The following MAP4K5 variants were observed in gnomAD, a reference collection of about 807,000 sequenced individuals.
MAP4K5 encodes the protein mitogen-activated protein kinase kinase kinase kinase 5.
In MAP4K5, 82 loss-of-function variants were observed where a neutral mutation model predicts 135.6. The observed-to-expected ratio is 0.60, with a 90% confidence interval of 0.51 to 0.73. The LOEUF (loss-of-function observed/expected upper bound fraction) is 0.73. Among genes scored for constraint, MAP4K5 ranks in the 30% least tolerant of loss-of-function variants. The pLI is 0.00. For missense variants in MAP4K5, 907 were observed against 1,010.9 expected (o/e 0.90, Z 1.39); for synonymous variants, 347 against 335.0 (o/e 1.04, Z -0.39).
rs565317833 is a variant in MAP4K5, at chr14:50,500,484, C to T, written c.166+4316G>A. ...AGAGGCATAGTAGAGTAGGCAGAAA[C>T]ATATGCGATGAGCTCAGAGAGGTGG... On this transcript the variant is annotated intron_variant, in intron 3 of 32. Transcript: ENST00000682126. 1.2e-4 allele frequency among the ~76,000 whole-genome samples: 19 copies of T among 152,262 alleles called. No individual in the cohort carries two copies. In the South Asian group the frequency reaches 3.9e-3, roughly 32 times the overall value.
At chr14:50,511,882 T>C (rs1187835102) in intron 2 of MAP4K5, among the ~76,000 whole-genome samples, 1 of 151,832 alleles carries the variant, frequency 6.6e-6, no homozygotes, top group Non-Finnish European at 1.5e-5. Flanking sequence ...TTGTCTGGGG[T>C]TTAGGGGAGG....
intron 9 of MAP4K5, among the ~76,000 whole-genome samples, chr14:50,469,707 C>G (rs1265040740): frequency 1.3e-5 from 2 of 152,154 alleles, no homozygotes; most frequent in Non-Finnish European, 2.9e-5. Context: ...TATTAAACAA[C>G]TGTTGAATAT....
intron 2 of MAP4K5, among the ~76,000 whole-genome samples, chr14:50,505,321 T>A (rs1003039603): frequency 6.6e-6 from 1 of 152,152 alleles, no homozygotes; most frequent in African/African-American, 2.4e-5. Flanking sequence ...TGGAAGAAGA[T>A]GACCCCATCA....
chr14:50,425,085 TTAAG>T (rs2035817041), intron 31 of MAP4K5, among the ~76,000 whole-genome samples: 1 of 152,196 alleles, frequency 6.6e-6, no homozygotes, highest in Admixed American at 6.5e-5. Context: ...TTTTTGAGCT[TTAAG>T]TAAGTTCACA....
chr14:50,555,272 GTTTTGT>G (rs1198688157), intron 1 of MAP4K5, among the ~76,000 whole-genome samples: 7 of 20,666 alleles, frequency 3.4e-4, no homozygotes, highest in East Asian at 2.3e-3. Context: ...TTTTTGTTTT[GTTTTGT>G]TTTGTTTGTT....
intron 13 of MAP4K5, among the ~76,000 whole-genome samples, chr14:50,462,019 T>C (rs1374809306): frequency 2.0e-5 from 3 of 152,074 alleles, no homozygotes; most frequent in Admixed American, 2.0e-4. Flanking sequence ...TAAGAAATAA[T>C]AGTTTTGAAA....
chr14:50,437,451 A>G (rs930633751), intron 26 of MAP4K5, 25 bp downstream of exon 26: 7 of 1,543,892 alleles, frequency 4.5e-6, no homozygotes, highest in South Asian at 3.5e-5. Context: ...CTAACCATTC[A>G]GTTTGAGAAA....
In MAP4K5 at chr14:50,526,456, C is replaced by T. The variant is rs148854053; in HGVS notation, c.108+5486G>A. On this transcript the variant is annotated intron_variant, in intron 2 of 32. Coordinates refer to ENST00000682126, the MANE Select transcript of MAP4K5 (RefSeq NM_006575.6). ...GATTATAGGCACCTGCCACCATGCC[C>T]GGCTAATTTTTGTATTTTTAATAGA... Among the ~76,000 whole-genome samples, 52 of 152,228 alleles carry T rather than the reference C, an allele frequency of 3.4e-4. No homozygotes were observed. In the East Asian group the frequency reaches 8.1e-3, roughly 24 times the overall value.
At chr14:50,422,914 C>A (rs964212677) in intron 32 of MAP4K5, among the ~76,000 whole-genome samples, 2 of 152,102 alleles carry the variant, frequency 1.3e-5, no homozygotes, top group Non-Finnish European at 2.9e-5. Context: ...ATAACTGTCT[C>A]TAGAATAACA....
At chr14:50,516,313 G>A (rs916810573) in intron 2 of MAP4K5, among the ~76,000 whole-genome samples, 9 of 152,172 alleles carry the variant, frequency 5.9e-5, no homozygotes, top group South Asian at 4.1e-4. Flanking sequence ...ATTCTGTGGC[G>A]GGGAGAGGGA....
Position 50,555,530 on chromosome 14 carries a change from C to T in MAP4K5, c.-180+5510G>A, listed in dbSNP as rs1467632450. On this transcript the variant is annotated intron_variant, in intron 1 of 8. Coordinates refer to the MAP4K5 transcript ENST00000555216. Reference sequence around the variant, plus strand: ...AACTCCTGAGCTCAGGCAATCTGCCCGCCTTGGCCTCTCAAAGTGCTGGGA... The same window carrying T: ...AACTCCTGAGCTCAGGCAATCTGCCTGCCTTGGCCTCTCAAAGTGCTGGGA... Among the ~76,000 whole-genome samples, 6 of 152,138 alleles carry T rather than the reference C, an allele frequency of 3.9e-5. No individual in the cohort carries two copies. In the East Asian group the frequency reaches 7.7e-4, roughly 20 times the overall value.
At chr14:50,510,514 G>A (rs950062918) in intron 2 of MAP4K5, among the ~76,000 whole-genome samples, 6 of 152,090 alleles carry the variant, frequency 3.9e-5, no homozygotes, top group South Asian at 2.1e-4. Flanking sequence ...CTACAAATTT[G>A]TTGAATAGAC....
At chr14:50,487,141 T>C (rs1341246268) in intron 3 of MAP4K5, among the ~76,000 whole-genome samples, 1 of 152,178 alleles carries the variant, frequency 6.6e-6, no homozygotes, top group Non-Finnish European at 1.5e-5. Flanking sequence ...TAAACATCTA[T>C]TTAGTTTCAT....
At chr14:50,485,332 C>T (rs72677897) in intron 5 of MAP4K5, among the ~76,000 whole-genome samples, 3,737 of 152,022 alleles carry the variant, frequency 0.025, 75 homozygotes, top group Middle Eastern at 0.041. Context: ...AAACACTTTC[C>T]TAGAGATATC....
intron 13 of MAP4K5, among the ~76,000 whole-genome samples, chr14:50,457,232 T>G (rs759452263): frequency 5.3e-5 from 8 of 152,202 alleles, no homozygotes; most frequent in Non-Finnish European, 1.2e-4. Context: ...CCTGGGGCTC[T>G]TCACCTCAGT....
At chr14:50,453,929 G>A (rs2036545304) in intron 14 of MAP4K5, among the ~76,000 whole-genome samples, 3 of 152,118 alleles carry the variant, frequency 2.0e-5, no homozygotes, top group Admixed American at 2.0e-4. Context: ...GGTGGTCTTA[G>A]ACTGATTGGG....
At chr14:50,487,018 T>G (rs1256108405) in intron 3 of MAP4K5, among the ~76,000 whole-genome samples, 5 of 152,212 alleles carry the variant, frequency 3.3e-5, no homozygotes, top group Non-Finnish European at 7.4e-5. Flanking sequence ...AAGTCAGAGA[T>G]ATTTTTTCCC....
chr14:50,487,468 G>A (rs1405531151), intron 3 of MAP4K5, among the ~76,000 whole-genome samples: 1 of 152,162 alleles, frequency 6.6e-6, no homozygotes, highest in Non-Finnish European at 1.5e-5. Flanking sequence ...AAGGGTTAGG[G>A]AAGCCAAATG....
In MAP4K5 at chr14:50,532,033, C is replaced by T. The variant is rs1417382430; in HGVS notation, c.17G>A (p.Arg6Gln). Reference sequence around the variant, plus strand: ...CCGCCTCAGGATGTCCGCGGCAGGCCGCAGCGGGGCCTCCATCTTCACTTA... The same window carrying T: ...CCGCCTCAGGATGTCCGCGGCAGGCTGCAGCGGGGCCTCCATCTTCACTTA... MEAPLRPAADILRRNP... is the reference protein window; with the variant it reads MEAPLQPAADILRRNP... The change falls in exon 2 of 33, where the codon CGG becomes CAG. Residue 6 changes from arginine to glutamine, a missense_variant. Physicochemically the swap from Arg to Gln is conservative, Grantham distance 43. Transcript: ENST00000682126. 6.4e-7 allele frequency: 1 copy of T among 1,574,040 alleles called. No individual in the cohort carries two copies. The highest frequency in any genetic ancestry group is 8.6e-7 in the Non-Finnish European group (1 of 1,158,156).
Sources: gnomAD v4.1 joint callset for allele counts (sites outside exome capture counted in the v4.1 genomes callset) on GRCh38, gnomAD v4.1.1 for gene constraint, MANE v1.5 for transcripts, NCBI Gene and HGNC (gene_info 2026-07-23, HGNC 2026-07-21) for gene names.